The following CAPN14 variants were observed in gnomAD, a reference collection of about 807,000 sequenced individuals.
The protein encoded by CAPN14 is calpain 14, also known as calpain-14.
A neutral mutation model predicts 101.3 loss-of-function variants in CAPN14; 94 were observed. The ratio of observed to expected loss-of-function variants is 0.93; its 90% CI spans 0.79 to 1.10. The LOEUF is 1.10. CAPN14 is among the 50% of genes least tolerant of loss of function. CAPN14 has a pLI of 0.00. For missense variants in CAPN14, 837 were observed against 828.4 expected (o/e 1.01, Z -0.13); for synonymous variants, 338 against 317.9 (o/e 1.06, Z -0.67).
intron 6 of CAPN14, 102 bp downstream of exon 6, chr2:31,200,349 G>T: frequency 9.4e-7 from 1 of 1,063,996 alleles, no homozygotes; most frequent in Non-Finnish European, 1.3e-6. Context: ...CTAGGAGCTG[G>T]GTGGAGGCCC....
At chr2:31,207,691 G>A (rs915475325) in intron 1 of CAPN14, among the ~76,000 whole-genome samples, 5 of 152,134 alleles carry the variant, frequency 3.3e-5, no homozygotes, top group South Asian at 2.1e-4. Context: ...CACTTGAGCC[G>A]GGAGGTAGAG....
At chr2:31,215,497 C>T (rs1682600218) in intron 1 of CAPN14, among the ~76,000 whole-genome samples, 1 of 152,162 alleles carries the variant, frequency 6.6e-6, no homozygotes, top group Non-Finnish European at 1.5e-5. Flanking sequence ...CACCACACAC[C>T]CTCTGCTCTG....
At chr2:31,174,740 T>C in intron 21 of CAPN14, 33 bp from the exon 22 acceptor site, 2 of 1,551,124 alleles carry the variant, frequency 1.3e-6, no homozygotes, top group Non-Finnish European at 1.7e-6. Flanking sequence ...TGATGGTCAG[T>C]TCAGACCCAC....
intron 1 of CAPN14, among the ~76,000 whole-genome samples, chr2:31,207,837 A>C (rs981513469): frequency 2.0e-5 from 3 of 152,222 alleles, no homozygotes; most frequent in Admixed American, 2.0e-4. Flanking sequence ...AAAAGTTTCT[A>C]AACACTTGCT....
intron 1 of CAPN14, among the ~76,000 whole-genome samples, chr2:31,208,999 T>A (rs1403491481): frequency 6.6e-6 from 1 of 152,124 alleles, no homozygotes; most frequent in Non-Finnish European, 1.5e-5. Flanking sequence ...AGACAGGGTC[T>A]CACTCTGTCA....
In CAPN14 at chr2:31,205,298, C is replaced by G; in HGVS notation, c.150G>C (p.Pro50=). The change falls in exon 2 of 22, where the codon CCG becomes CCC. Residue 50 remains proline (P), a synonymous_variant. Coordinates refer to ENST00000403897, the MANE Select transcript of CAPN14 (RefSeq NM_001145122.2). ...NGCLFEDTSF[P]ATLSSIGSGS... ...CACTGCCGATGGAGCTCAGGGTGGC[C>G]GGGAAGCTGGTGTCTTCAAAGAGGC... 1 of 1,550,418 alleles carries G rather than the reference C, an allele frequency of 6.4e-7. No individual in the cohort carries two copies. The highest frequency in any genetic ancestry group is 8.7e-7 in the Non-Finnish European group (1 of 1,146,956).
intron 8 of CAPN14, 43 bp downstream of exon 8, chr2:31,197,206 A>G (rs1207406556): frequency 1.4e-6 from 2 of 1,382,844 alleles, no homozygotes; most frequent in Admixed American, 2.0e-5. Flanking sequence ...TCCTTTGCCT[A>G]ACCTACCTGT....
chr2:31,188,841 A>C (rs1387449490), intron 13 of CAPN14, among the ~76,000 whole-genome samples: 1 of 152,134 alleles, frequency 6.6e-6, no homozygotes, highest in East Asian at 1.9e-4. Context: ...TATGCATCTT[A>C]TAATAGTCAC....
In CAPN14 at chr2:31,174,589, G is replaced by C; in HGVS notation, c.*92C>G. ...GCTAGTGAGGCTGTCCTGAAGATCA[G>C]TAAGTAGGGTGGGCATGGGTTGGTC... On this transcript the variant is annotated 3_prime_UTR_variant, in exon 22 of 22. Transcript: ENST00000403897. The C allele has an allele frequency of 7.4e-7, 1 of 1,350,946 alleles. No individual in the cohort carries two copies. The highest frequency in any genetic ancestry group is 1.0e-6 in the Non-Finnish European group (1 of 967,432). The allele number at this position is 1,350,946 out of a possible 1,614,324, so 83.7% of individuals were successfully genotyped here.
At chr2:31,227,574 T>C (rs1683062586) in intron 1 of CAPN14, among the ~76,000 whole-genome samples, 1 of 152,212 alleles carries the variant, frequency 6.6e-6, no homozygotes, top group African/African-American at 2.4e-5. Flanking sequence ...ATCAGGTCCT[T>C]GACCTACATT....
chr2:31,206,844 C>G (rs1682124061), intron 1 of CAPN14, among the ~76,000 whole-genome samples: 1 of 152,292 alleles, frequency 6.6e-6, no homozygotes, highest in East Asian at 1.9e-4. Context: ...ACAACTGAAA[C>G]CTGTCCATTC....
At chr2:31,226,143 G>T (rs992927250) in intron 2 of CAPN14, among the ~76,000 whole-genome samples, 1 of 152,100 alleles carries the variant, frequency 6.6e-6, no homozygotes, top group African/African-American at 2.4e-5. Flanking sequence ...AAGGAGAACA[G>T]AAGATCATTG....
At chr2:31,181,393 TC>T in intron 16 of CAPN14, among the ~76,000 whole-genome samples, 1 of 119,078 alleles carries the variant, frequency 8.4e-6, no homozygotes, top group Non-Finnish European at 1.7e-5. Context: ...TTTTTTTCTT[TC>T]TTTTTTTCTT....
At chr2:31,194,625 T>C in intron 8 of CAPN14, 142 bp from the exon 9 acceptor site, 1 of 617,744 alleles carries the variant, frequency 1.6e-6, no homozygotes, top group African/African-American at 1.8e-5. Context: ...TACAGTAGCA[T>C]GAACATGAAT....
chr2:31,221,794 T>C (rs1308333967), upstream of CAPN14, among the ~76,000 whole-genome samples: 9 of 152,118 alleles, frequency 5.9e-5, no homozygotes, highest in Non-Finnish European at 4.4e-5. Flanking sequence ...ATTTCAAGGA[T>C]ACAAAAGTGA....
Position 31,186,443 on chromosome 2 carries a change from G to C in CAPN14, c.1630C>G (p.Gln544Glu). The C allele has an allele frequency of 6.5e-7, 1 of 1,549,174 alleles. No individual in the cohort carries two copies. Among genetic ancestry groups the C allele is most frequent in the African/African-American group, 1.4e-5 (1 of 72,964 alleles). The change falls in exon 16 of 22, where the codon CAG becomes GAG. Residue 544 changes from glutamine to glutamate, a missense_variant. By Grantham distance (29) the Gln-to-Glu change is conservative (BLOSUM62 2). Coordinates refer to ENST00000403897, the MANE Select transcript of CAPN14 (RefSeq NM_001145122.2). ...AAACACTTACTTGACCAGGTCATCT[G>C]GTTCAGGAGGTTCTGAAGTTGAACT... The part of the protein sequence containing the change: ...NAVQLQNLLN[Q>E]MTWSSLGSRQ...
intron 12 of CAPN14, 62 bp downstream of exon 12, chr2:31,191,337 G>T: frequency 6.7e-7 from 1 of 1,482,300 alleles, no homozygotes; most frequent in Admixed American, 2.3e-5. Flanking sequence ...AAATCCTGTG[G>T]AGGCTTGGCC....
At chr2:31,213,659 T>G (rs1254991230) in intron 1 of CAPN14, among the ~76,000 whole-genome samples, 7 of 152,236 alleles carry the variant, frequency 4.6e-5, no homozygotes, top group Non-Finnish European at 1.0e-4. Context: ...TATCTCTAAT[T>G]GATTCGTTGA....
At chr2:31,231,680 G>A (rs1009929707) in intron 1 of CAPN14, among the ~76,000 whole-genome samples, 41 of 152,198 alleles carry the variant, frequency 2.7e-4, no homozygotes, top group African/African-American at 9.4e-4. Context: ...TGGCATGGCC[G>A]TACTGATTAC....
Sources: gnomAD v4.1 joint callset for allele counts (sites outside exome capture counted in the v4.1 genomes callset) on GRCh38, gnomAD v4.1.1 for gene constraint, MANE v1.5 for transcripts, NCBI Gene and HGNC (gene_info 2026-07-23, HGNC 2026-07-21) for gene names.